The following TSC22D3 variants were observed in gnomAD, a reference collection of about 807,000 sequenced individuals.
TSC22D3 encodes TSC22 domain family member 3.
Under a neutral mutation model 11.1 loss-of-function variants are expected in TSC22D3, and 4 were observed. The observed-to-expected ratio is 0.36, with a 90% CI of 0.18 to 0.83. The LOEUF is 0.83. Among genes scored for constraint, TSC22D3 ranks in the 40% least tolerant of loss-of-function variants. TSC22D3 has a pLI of 0.48. For synonymous variants in TSC22D3, 77 were observed against 70.3 expected, an observed-to-expected ratio of 1.10 and a Z score of -0.48; for missense variants, 118 against 159.4, an observed-to-expected ratio of 0.74 and a Z score of 1.40.
chrX:107,715,829 C>T, intron 2 of TSC22D3, 70 bp downstream of exon 2: 1 of 1,169,111 alleles, frequency 8.6e-7, no homozygotes, highest in African/African-American at 1.8e-5. Flanking sequence ...CCCATTCCCT[C>T]AATCCTGCCC....
intron 1 of TSC22D3, among the ~76,000 whole-genome samples, chrX:107,743,087 G>C (rs1928496124): frequency 8.9e-6 from 1 of 112,512 alleles, no homozygotes; most frequent in South Asian, 3.7e-4. Context: ...ACACTGCCCC[G>C]TCTGACCCGC....
chrX:107,756,116 A>T (rs1277393920), intron 1 of TSC22D3, among the ~76,000 whole-genome samples: 4 of 111,898 alleles, frequency 3.6e-5, no homozygotes, highest in Non-Finnish European at 5.6e-5. Flanking sequence ...CTCCTGTTAC[A>T]TATCTTCTGG....
At chrX:107,716,545 T>TGGCCCGC in intron 1 of TSC22D3, 1 of 796,167 alleles carries the variant, frequency 1.3e-6, no homozygotes, top group Non-Finnish European at 1.5e-6. Flanking sequence ...CCTTCCTGCG[T>TGGCCCGC]CCCCTCCCCC....
intron 1 of TSC22D3, among the ~76,000 whole-genome samples, chrX:107,753,794 A>G (rs1929047233): frequency 2.7e-5 from 3 of 111,840 alleles, no homozygotes; most frequent in Non-Finnish European, 1.9e-5. Context: ...GCTTCTCCCT[A>G]CATCCAGTTT....
intron 1 of TSC22D3, among the ~76,000 whole-genome samples, chrX:107,761,982 C>T (rs1191258786): frequency 8.9e-6 from 1 of 112,068 alleles, no homozygotes; most frequent in Non-Finnish European, 1.9e-5. Context: ...TGACTTCCTG[C>T]ACTTTTCCTT....
At chrX:107,738,282 G>A (rs752368568) in intron 1 of TSC22D3, among the ~76,000 whole-genome samples, 68 of 112,782 alleles carry the variant, frequency 6.0e-4, no homozygotes, top group African/African-American at 2.1e-3. Context: ...GCTTTTCAGC[G>A]GAGAGTTTTC....
intron 1 of TSC22D3, chrX:107,722,222 G>T (rs140561514): frequency 1.0e-5 from 2 of 192,254 alleles, no homozygotes; most frequent in Non-Finnish European, 1.9e-5. Flanking sequence ...AGCCCAAGGA[G>T]AATCTTGGTG....
At chrX:107,745,653 C>A (rs1928615074) in intron 1 of TSC22D3, among the ~76,000 whole-genome samples, 1 of 112,513 alleles carries the variant, frequency 8.9e-6, no homozygotes, top group Admixed American at 9.4e-5. Flanking sequence ...ACAAAAGTAG[C>A]CTGCGACCTA....
intron 1 of TSC22D3, among the ~76,000 whole-genome samples, chrX:107,729,382 T>A (rs969535455): frequency 9.0e-6 from 1 of 111,635 alleles, no homozygotes; most frequent in East Asian, 2.8e-4. Context: ...ATGAGTCTAG[T>A]GGGAGAAATT....
chrX:107,755,954 C>A (rs1219469702), intron 1 of TSC22D3, among the ~76,000 whole-genome samples: 2 of 111,844 alleles, frequency 1.8e-5, no homozygotes, highest in African/African-American at 6.5e-5. Flanking sequence ...GAAAGGCCTG[C>A]TGCTAATCTG....
Position 107,732,601 on chromosome X carries a change from C to T in TSC22D3, c.321-16651G>A, listed in dbSNP as rs375277268. ...ACAGGGGCTGCAGTTCCAATCCGAA[C>T]GAGTGAATCTTCAGGGGTGAAACTT... On this transcript the variant is annotated intron_variant, in intron 1 of 2. Coordinates refer to ENST00000372383, the MANE Select transcript of TSC22D3 (RefSeq NM_198057.3). Among the ~76,000 whole-genome samples the T allele has an allele frequency of 9.0e-5, 10 of 111,398 alleles. No individual in the cohort carries two copies. The East Asian group carries it at 1.4e-3, about 16-fold the overall frequency.
rs185625617 is a variant in TSC22D3, at chrX:107,724,336, A to T, written c.321-8386T>A. Among the ~76,000 whole-genome samples, 57 of 113,181 alleles carry T rather than the reference A, an allele frequency of 5.0e-4. No homozygotes were observed. In the East Asian group the frequency reaches 9.2e-3, roughly 18 times the overall value. On this transcript the variant is annotated intron_variant, in intron 1 of 2. Coordinates refer to ENST00000372383, the MANE Select transcript of TSC22D3 (RefSeq NM_198057.3). ...CCCAACCATGGGAACAGCACCAGGG[A>T]TCTCAAAGGAGTGTTGGAAGGGCTT...
At chrX:107,721,477 G>C (rs1327220882) in intron 1 of TSC22D3, among the ~76,000 whole-genome samples, 1 of 111,711 alleles carries the variant, frequency 9.0e-6, no homozygotes, top group South Asian at 3.8e-4. Context: ...CGGTAGGTTG[G>C]GGGTGGTGAT....
chrX:107,749,237 C>T (rs1002278507), intron 1 of TSC22D3, among the ~76,000 whole-genome samples: 1 of 107,434 alleles, frequency 9.3e-6, no homozygotes, highest in Non-Finnish European at 1.9e-5. Flanking sequence ...ATTAGCCGGG[C>T]GTAGTGGTAG....
At chrX:107,717,561 T>A (rs1389500730) in intron 1 of TSC22D3, among the ~76,000 whole-genome samples, 2 of 112,650 alleles carry the variant, frequency 1.8e-5, no homozygotes, top group Admixed American at 9.3e-5. Flanking sequence ...ACCAGCCAGC[T>A]GGCCTGCCGA....
intron 1 of TSC22D3, among the ~76,000 whole-genome samples, chrX:107,761,064 CAG>C (rs1353935857): frequency 8.9e-6 from 1 of 112,362 alleles, no homozygotes; most frequent in Non-Finnish European, 1.9e-5. Context: ...AAGAGACACT[CAG>C]TGCTTTCTAG....
chrX:107,743,184 G>C (rs754969242), intron 1 of TSC22D3, among the ~76,000 whole-genome samples: 386 of 112,607 alleles, frequency 3.4e-3, no homozygotes, highest in Non-Finnish European at 6.3e-3. Flanking sequence ...AAGAAAAGGC[G>C]GCACAACGAC....
At chrX:107,753,888 G>A (rs1221876247) in intron 1 of TSC22D3, among the ~76,000 whole-genome samples, 1 of 107,857 alleles carries the variant, frequency 9.3e-6, no homozygotes, top group Non-Finnish European at 1.9e-5. Flanking sequence ...ACTGAAAAAA[G>A]TTAGACCCAT....
intron 1 of TSC22D3, among the ~76,000 whole-genome samples, chrX:107,730,290 C>G (rs904998205): frequency 4.5e-5 from 5 of 111,846 alleles, no homozygotes; most frequent in Admixed American, 9.4e-5. Context: ...TGGGCTGCCT[C>G]TAGCTGGAGT....
Sources: allele counts gnomAD v4.1 joint callset (sites outside exome capture counted in the v4.1 genomes callset), GRCh38; gene constraint gnomAD v4.1.1; transcripts MANE v1.5; gene names NCBI Gene and HGNC (gene_info 2026-07-23, HGNC 2026-07-21).